HK1: variants seen among roughly 807,000 people sequenced by gnomAD.
HK1 encodes hexokinase-1.
Under a neutral mutation model 91.6 loss-of-function variants are expected in HK1, and 28 were observed. The observed-to-expected ratio is 0.31, with a 90% CI of 0.23 to 0.42. The LOEUF is 0.42. Ranked by LOEUF, HK1 falls within the 10% of genes least tolerant of loss-of-function variation. The pLI is 1.00. For synonymous variants in HK1, 430 were observed against 468.1 expected, an observed-to-expected ratio of 0.92 and a Z score of 1.05; for missense variants, 770 against 1,219.8, an observed-to-expected ratio of 0.63 and a Z score of 5.49.
intron 14 of HK1, among the ~76,000 whole-genome samples, chr10:69,391,774 A>G (rs1370938448): frequency 6.6e-6 from 1 of 152,232 alleles, no homozygotes; most frequent in Non-Finnish European, 1.5e-5. Context: ...GTGTACGTAT[A>G]TATTTCTTCT....
At chr10:69,359,806 C>T in intron 2 of HK1, 91 bp from the exon 3 acceptor site, 2 of 1,261,506 alleles carry the variant, frequency 1.6e-6, no homozygotes, top group African/African-American at 1.5e-5. Flanking sequence ...GGGAGGCAGA[C>T]AGGGCCTACG....
chr10:69,274,479 T>A (rs564579413), intron 1 of HK1, among the ~76,000 whole-genome samples: 8 of 151,568 alleles, frequency 5.3e-5, no homozygotes, highest in South Asian at 4.2e-4. Flanking sequence ...ACACATGTAA[T>A]CCCAGCTAAT....
intron 1 of HK1, among the ~76,000 whole-genome samples, chr10:69,319,914 G>C (rs1309515792): frequency 2.6e-5 from 4 of 151,360 alleles, no homozygotes; most frequent in African/African-American, 9.7e-5. Flanking sequence ...TGCCAGGTCT[G>C]GTACAGGCTC....
Position 69,398,838 on chromosome 10 carries a change from C to A in HK1, c.2609+10C>A. ...ACAAGCTTCATCCACAGTGAGTGGG[C>A]CTTCCAGTTGGGATGCGCAGAGCTT... On this transcript the variant is annotated intron_variant, in intron 17 of 17. Transcript: ENST00000359426. The A allele has an allele frequency of 6.3e-7, 1 of 1,593,208 alleles. No individual in the cohort carries two copies. Among genetic ancestry groups the A allele is most frequent in the Non-Finnish European group, 8.6e-7 (1 of 1,161,644 alleles).
chr10:69,378,979 C>A lies in HK1; in HGVS notation c.1032-883C>A, dbSNP rs191452765. ...CCCCACAGAGTTAAAACTTGGGACT[C>A]CCCCGACCCTCCCAGAACACTTGTA... On this transcript the variant is annotated intron_variant, in intron 8 of 17. Transcript: ENST00000359426. Among the ~76,000 whole-genome samples, 5 of 152,292 alleles carry A rather than the reference C, an allele frequency of 3.3e-5. No individual in the cohort carries two copies. In the East Asian group the frequency reaches 9.6e-4, roughly 29 times the overall value.
At chr10:69,281,870 G>A (rs1844770007) in intron 1 of HK1, among the ~76,000 whole-genome samples, 1 of 152,188 alleles carries the variant, frequency 6.6e-6, no homozygotes, top group Non-Finnish European at 1.5e-5. Context: ...TGGCTGCCAA[G>A]TCTAGCCCAG....
At position 69,319,447 on chromosome 10, in the gene HK1, G is replaced by A. The variant is rs145422849; in HGVS notation, c.63+437G>A. On this transcript the variant is annotated intron_variant, in intron 1 of 17. Coordinates refer to ENST00000359426, the MANE Select transcript of HK1 (RefSeq NM_000188.3). ...GCTGGAGGCCAGGCCTCCCATATTT[G>A]GGGTTCCTGGCGGAGGGTGTCGGGT... 2.5e-3 allele frequency among the ~76,000 whole-genome samples: 388 copies of A among 152,330 alleles called. 1 individual carries two copies. Among genetic ancestry groups the A allele is most frequent in the African/African-American group, 8.8e-3 (364 of 41,576 alleles).
chr10:69,333,379 T>C (rs1050446443), intron 1 of HK1, among the ~76,000 whole-genome samples: 1 of 152,232 alleles, frequency 6.6e-6, no homozygotes, highest in Non-Finnish European at 1.5e-5. Flanking sequence ...GCTGGCTGTT[T>C]GCTAAGCCAT....
intron 1 of HK1, among the ~76,000 whole-genome samples, chr10:69,277,030 T>A (rs1216729701): frequency 1.3e-5 from 2 of 152,236 alleles, no homozygotes; most frequent in African/African-American, 2.4e-5. Flanking sequence ...TTCCTCTAAG[T>A]GTTTTGACGG....
upstream of HK1, chr10:69,317,935 CG>C: frequency 1.9e-6 from 1 of 515,694 alleles, no homozygotes. Flanking sequence ...TCCCATCCTA[CG>C]TAACTTCCTC....
At chr10:69,340,608 G>A (rs573808657) in intron 1 of HK1, among the ~76,000 whole-genome samples, 1 of 152,286 alleles carries the variant, frequency 6.6e-6, no homozygotes, top group African/African-American at 2.4e-5. Context: ...GCTCAGGCTG[G>A]TCTTGAACTT....
At chr10:69,357,992 G>A (rs950129464) in intron 2 of HK1, among the ~76,000 whole-genome samples, 1 of 152,112 alleles carries the variant, frequency 6.6e-6, no homozygotes, top group Non-Finnish European at 1.5e-5. Flanking sequence ...GAATTATATG[G>A]TATGTGAATT....
chr10:69,400,646 T>C (rs1460383133), intron 17 of HK1, among the ~76,000 whole-genome samples: 1 of 152,172 alleles, frequency 6.6e-6, no homozygotes, highest in African/African-American at 2.4e-5. Context: ...TGTCCTAGCC[T>C]TCATAAGCCA....
chr10:69,318,611 G>C (rs1383080391), upstream of HK1, among the ~76,000 whole-genome samples: 1 of 152,176 alleles, frequency 6.6e-6, no homozygotes, highest in Non-Finnish European at 1.5e-5. Context: ...GGTCGGGGGG[G>C]ATTTCGCTGC....
intron 5 of HK1, among the ~76,000 whole-genome samples, chr10:69,302,063 T>C (rs1256624361): frequency 1.3e-5 from 2 of 151,938 alleles, no homozygotes; most frequent in Admixed American, 1.3e-4. Flanking sequence ...CTTGCCAACA[T>C]GGTGAAACCC....
chr10:69,359,901 G>C lies in HK1; in HGVS notation c.231G>C (p.Lys77Asn). 1 of 1,614,110 alleles carries C rather than the reference G, an allele frequency of 6.2e-7. No individual in the cohort carries two copies. Among genetic ancestry groups the C allele is most frequent in the Non-Finnish European group, 8.5e-7 (1 of 1,179,960 alleles). Residue 77 changes from lysine to asparagine, a missense_variant, in exon 3 of 18, where the codon AAG becomes AAC. This residue lies in a region of HK1 where 449 missense variants were observed against 665.1 expected (regional missense o/e 0.68). Coordinates refer to ENST00000359426, the MANE Select transcript of HK1 (RefSeq NM_000188.3). ...FVRSIPDGSE[K>N]GDFIALDLGG... ...ACCTGTTGTCTCCCTAAACAGAAAA[G>C]GGAGATTTCATTGCCCTGGATCTTG...
At chr10:69,301,437 G>T (rs1845858908) in intron 5 of HK1, among the ~76,000 whole-genome samples, 1 of 147,350 alleles carries the variant, frequency 6.8e-6, no homozygotes, top group Non-Finnish European at 1.5e-5. Flanking sequence ...AGCCAGTTGT[G>T]GTGGCACACA....
At position 69,401,694 on chromosome 10, in the gene HK1, C is replaced by T. The variant is rs1840399959; in HGVS notation, c.*559C>T. ...GCCACAAAATCGTGTGTCCGTGGAA[C>T]CAGTCCTAGCCGCGTGTGACAGTCT... On this transcript the variant is annotated 3_prime_UTR_variant, in exon 18 of 18. Coordinates refer to ENST00000359426, the MANE Select transcript of HK1 (RefSeq NM_000188.3). The T allele has an allele frequency of 7.1e-6, 2 of 283,622 alleles. No homozygotes were observed. The highest frequency in any genetic ancestry group is 5.9e-5 in the South Asian group (2 of 33,988). The allele number at this position is 283,622 out of a possible 1,614,324, so 17.6% of individuals were successfully genotyped here.
chr10:69,330,054 C>T (rs1025684603), intron 1 of HK1, among the ~76,000 whole-genome samples: 1 of 152,182 alleles, frequency 6.6e-6, no homozygotes, highest in African/African-American at 2.4e-5. Context: ...ATGAAAACCC[C>T]CTCAATGCTC....
Sources: allele counts gnomAD v4.1 joint callset (sites outside exome capture counted in the v4.1 genomes callset), GRCh38; gene constraint gnomAD v4.1.1; regional missense constraint gnomAD v4.1.1; transcripts MANE v1.5; gene names NCBI Gene and HGNC (gene_info 2026-07-23, HGNC 2026-07-21).